Variants in DLGAP2 observed in about 807,000 individuals in gnomAD.
DLGAP2 encodes DLG associated protein 2.
DLGAP2 carries 26 observed loss-of-function variants against 100.3 expected under a neutral mutation model. The observed-to-expected ratio is 0.26, with a 90% CI of 0.19 to 0.36. The LOEUF (loss-of-function observed/expected upper bound fraction) is 0.36, where lower values mean the gene tolerates loss of function less well. DLGAP2 is among the 10% of genes least tolerant of loss of function. The pLI is 1.00. For synonymous variants in DLGAP2, 886 were observed against 630.1 expected (o/e 1.41, Z -6.08); for missense variants, 1,858 against 1,453.2 (o/e 1.28, Z -4.53).
At chr8:1,446,789 C>A (rs1297426994) in intron 3 of DLGAP2, among the ~76,000 whole-genome samples, 4 of 152,170 alleles carry the variant, frequency 2.6e-5, no homozygotes, top group Non-Finnish European at 4.4e-5. Flanking sequence ...TTTTAGTTCT[C>A]ATTAAAGAGG....
chr8:1,041,297 G>A (rs1021281701), intron 2 of DLGAP2, among the ~76,000 whole-genome samples: 13 of 152,130 alleles, frequency 8.5e-5, no homozygotes, highest in African/African-American at 1.2e-4. Flanking sequence ...TTGGAGGTGC[G>A]TGGAGATCGC....
intron 2 of DLGAP2, among the ~76,000 whole-genome samples, chr8:943,839 C>G (rs1244632876): frequency 6.6e-6 from 1 of 152,230 alleles, no homozygotes; most frequent in Non-Finnish European, 1.5e-5. Context: ...TGAAAATTGT[C>G]AAAAGTTAAT....
At chr8:740,865 C>T (rs1378304229) in intron 1 of DLGAP2, among the ~76,000 whole-genome samples, 3 of 152,004 alleles carry the variant, frequency 2.0e-5, no homozygotes, top group Non-Finnish European at 4.4e-5. Flanking sequence ...TTTATTGACC[C>T]TCAGGATGGA....
chr8:1,469,166 A>G lies in DLGAP2; in HGVS notation c.107-32200A>G, dbSNP rs140093545. 2.9e-3 allele frequency among the ~76,000 whole-genome samples: 437 copies of G among 152,298 alleles called. 1 individual carries two copies. Among genetic ancestry groups the G allele is most frequent in the African/African-American group, 0.01 (424 of 41,554 alleles). On this transcript the variant is annotated intron_variant, in intron 3 of 14. Transcript: ENST00000637795. The stretch of plus-strand genomic sequence containing the variant: ...TGAGCACCAGGCAGAGGCCTGCCCT[A>G]AAAGCTGTGGCAGATCCTCCAGTCC...
chr8:1,675,435 C>T (rs1234190899), intron 10 of DLGAP2, among the ~76,000 whole-genome samples: 1 of 152,196 alleles, frequency 6.6e-6, no homozygotes, highest in Non-Finnish European at 1.5e-5. Flanking sequence ...CAGCCTAGTG[C>T]CTGGCGCAGG....
intron 3 of DLGAP2, among the ~76,000 whole-genome samples, chr8:1,389,018 TG>T: frequency 7.2e-6 from 1 of 139,816 alleles, no homozygotes; most frequent in African/African-American, 2.8e-5. Flanking sequence ...GCAGAGGCCG[TG>T]GATGAGGAGG....
At chr8:972,142 T>C (rs1800029771) in intron 2 of DLGAP2, among the ~76,000 whole-genome samples, 2 of 152,220 alleles carry the variant, frequency 1.3e-5, no homozygotes. Context: ...CCTACATCTA[T>C]AGCAGACATA....
chr8:893,548 G>A (rs1049306333), intron 1 of DLGAP2, among the ~76,000 whole-genome samples: 10 of 152,212 alleles, frequency 6.6e-5, no homozygotes, highest in East Asian at 1.9e-4. Context: ...CCAGTCCTGC[G>A]GTCTTGGATG....
At chr8:968,129 T>G (rs1194457378) in intron 2 of DLGAP2, among the ~76,000 whole-genome samples, 3 of 151,884 alleles carry the variant, frequency 2.0e-5, no homozygotes, top group Non-Finnish European at 4.4e-5. Flanking sequence ...ATTTGGTGAC[T>G]TCAGGCAGAG....
At chr8:1,197,860 C>G (rs1484321499) in intron 2 of DLGAP2, among the ~76,000 whole-genome samples, 1 of 152,172 alleles carries the variant, frequency 6.6e-6, no homozygotes, top group Non-Finnish European at 1.5e-5. Flanking sequence ...AATCAGGTTT[C>G]TCGTCTCCTG....
chr8:1,572,864 G>T (rs1584942762), intron 6 of DLGAP2, among the ~76,000 whole-genome samples: 1 of 132,494 alleles, frequency 7.5e-6, no homozygotes, highest in Non-Finnish European at 1.6e-5. Context: ...GGGTTGAACT[G>T]TGGGGGCATC....
intron 6 of DLGAP2, among the ~76,000 whole-genome samples, chr8:1,577,246 A>G (rs984336183): frequency 6.6e-6 from 1 of 152,068 alleles, no homozygotes; most frequent in Admixed American, 6.5e-5. Flanking sequence ...AACCCCGTAA[A>G]TACACATACT....
At chr8:1,187,993 C>T (rs1440295239) in intron 2 of DLGAP2, among the ~76,000 whole-genome samples, 3 of 122,666 alleles carry the variant, frequency 2.4e-5, no homozygotes, top group Admixed American at 7.5e-5. Flanking sequence ...ACCTCTGTGA[C>T]GTTTGCCTCA....
In DLGAP2 at chr8:1,534,644, A is replaced by AT. The variant is rs199915186; in HGVS notation, c.173-13974dup. 6.1e-3 allele frequency among the ~76,000 whole-genome samples: 929 copies of AT among 152,114 alleles called. 9 individuals are homozygous for AT. The highest frequency in any genetic ancestry group is 0.021 in the African/African-American group (869 of 41,498). On this transcript the variant is annotated intron_variant, in intron 4 of 14. Transcript: ENST00000637795. ...TTTGATATATGTGGAATCAGTGGGG[A>AT]TTTTTTTTAAAGATGTTTCTTAAAG...
intron 2 of DLGAP2, among the ~76,000 whole-genome samples, chr8:962,515 G>A (rs893650333): frequency 3.9e-5 from 6 of 152,130 alleles, no homozygotes; most frequent in Non-Finnish European, 8.8e-5. Flanking sequence ...CGCCTTGAGG[G>A]AGCCTCCTGG....
chr8:1,150,098 T>C (rs1796672240), intron 2 of DLGAP2, among the ~76,000 whole-genome samples: 1 of 152,246 alleles, frequency 6.6e-6, no homozygotes, highest in Admixed American at 6.5e-5. Flanking sequence ...ATTTCCTTGT[T>C]TTTTCTGGGG....
In DLGAP2 at chr8:1,031,952, T is replaced by C. The variant is rs148076201; in HGVS notation, c.73+123986T>C. Reference sequence around the variant, plus strand: ...CTGAACAAGCGAGTCTGTCTGGGGATGTAGGGTTTGCATTCTAGCGAATCC... The same window carrying C: ...CTGAACAAGCGAGTCTGTCTGGGGACGTAGGGTTTGCATTCTAGCGAATCC... On this transcript the variant is annotated intron_variant, in intron 2 of 14. Coordinates refer to ENST00000637795, the MANE Select transcript of DLGAP2 (RefSeq NM_001346810.2). Among the ~76,000 whole-genome samples, 20 of 152,270 alleles carry C rather than the reference T, an allele frequency of 1.3e-4. No homozygotes were observed. The East Asian group carries it at 3.1e-3, about 24-fold the overall frequency.
intron 3 of DLGAP2, among the ~76,000 whole-genome samples, chr8:1,383,902 G>T (rs1796152609): frequency 6.6e-6 from 1 of 151,896 alleles, no homozygotes; most frequent in Non-Finnish European, 1.5e-5. Context: ...GGTGGACTCT[G>T]ACAGGAAGGT....
At chr8:960,021 C>T (rs767519971) in intron 2 of DLGAP2, among the ~76,000 whole-genome samples, 1 of 151,912 alleles carries the variant, frequency 6.6e-6, no homozygotes, top group Non-Finnish European at 1.5e-5. Context: ...GAGGATTATC[C>T]TCTCTGTTAG....
Sources: gnomAD v4.1 joint callset for allele counts (sites outside exome capture counted in the v4.1 genomes callset) on GRCh38, gnomAD v4.1.1 for gene constraint, MANE v1.5 for transcripts, NCBI Gene and HGNC (gene_info 2026-07-23, HGNC 2026-07-21) for gene names.